The following TSPAN5 variants were observed in gnomAD, a reference collection of about 807,000 sequenced individuals.
The protein encoded by TSPAN5 is tetraspanin-5.
In TSPAN5, 10 loss-of-function variants were observed where a neutral mutation model predicts 37.1. The ratio of observed to expected loss-of-function variants is 0.27; its 90% CI spans 0.17 to 0.46. The LOEUF (loss-of-function observed/expected upper bound fraction) is 0.46, where lower values mean the gene tolerates loss of function less well. Among genes scored for constraint, TSPAN5 ranks in the 20% least tolerant of loss-of-function variants. The pLI is 1.00. For missense variants in TSPAN5, 195 were observed against 326.6 expected, an observed-to-expected ratio of 0.60 and a Z score of 3.11; for synonymous variants, 110 against 118.9, an observed-to-expected ratio of 0.93 and a Z score of 0.48.
At chr4:98,492,554 A>C (rs1385769722) in intron 2 of TSPAN5, among the ~76,000 whole-genome samples, 2 of 152,160 alleles carry the variant, frequency 1.3e-5, no homozygotes, top group Non-Finnish European at 2.9e-5. Flanking sequence ...CATGCACGTA[A>C]ACGCACACAC....
chr4:98,539,587 G>A (rs1214091864), intron 1 of TSPAN5, among the ~76,000 whole-genome samples: 1 of 151,800 alleles, frequency 6.6e-6, no homozygotes, highest in Admixed American at 6.6e-5. Flanking sequence ...TTTTCCTGGT[G>A]ATCTTTTGTA....
rs1333761872 is a variant in TSPAN5, at chr4:98,594,457, C to T, written c.81+63689G>A. ...TCCTTCTCCTGCCTGATTGCCCTGG[C>T]CAGAACTTCCAACACTATGTTGAAT... On this transcript the variant is annotated intron_variant, in intron 1 of 7. Transcript: ENST00000305798. 5.9e-5 allele frequency among the ~76,000 whole-genome samples: 3 copies of T among 50,686 alleles called. 1 individual carries two copies. The highest frequency in any genetic ancestry group is 4.6e-4 in the East Asian group (1 of 2,156). The allele number at this position is 50,686 out of a possible 152,430, so 33.3% of individuals were successfully genotyped here.
At chr4:98,523,483 G>A (rs370277362) in intron 1 of TSPAN5, among the ~76,000 whole-genome samples, 3 of 152,244 alleles carry the variant, frequency 2.0e-5, no homozygotes, top group African/African-American at 7.2e-5. Context: ...TGCCCAGGCT[G>A]GAGTGCAGAG....
At chr4:98,539,677 A>G (rs1425723400) in intron 1 of TSPAN5, among the ~76,000 whole-genome samples, 8 of 152,178 alleles carry the variant, frequency 5.3e-5, no homozygotes, top group Non-Finnish European at 8.8e-5. Context: ...ATTTTAATTT[A>G]CATGCTGTGG....
chr4:98,547,634 A>G (rs1053259041), intron 1 of TSPAN5, among the ~76,000 whole-genome samples: 3 of 152,156 alleles, frequency 2.0e-5, no homozygotes, highest in Non-Finnish European at 4.4e-5. Context: ...AATATTTCCT[A>G]TCAGTGGCTC....
chr4:98,538,189 T>C (rs1332317119), intron 1 of TSPAN5, among the ~76,000 whole-genome samples: 3 of 152,254 alleles, frequency 2.0e-5, no homozygotes, highest in African/African-American at 7.2e-5. Context: ...AGAGGTTAAC[T>C]GTCAGTTATG....
intron 1 of TSPAN5, among the ~76,000 whole-genome samples, chr4:98,518,640 C>T (rs1753788375): frequency 6.6e-6 from 1 of 152,240 alleles, no homozygotes; most frequent in Non-Finnish European, 1.5e-5. Context: ...CATCTCCCTT[C>T]AGGAACCTGC....
intron 1 of TSPAN5, among the ~76,000 whole-genome samples, chr4:98,621,790 C>CA (rs1490800045): frequency 2.0e-5 from 3 of 151,288 alleles, no homozygotes. Flanking sequence ...TCATTCCCAC[C>CA]CCCCCCGCAG....
chr4:98,658,020 T>A (rs1410084352), intron 1 of TSPAN5, 126 bp downstream of exon 1: 3 of 816,486 alleles, frequency 3.7e-6, no homozygotes, highest in Non-Finnish European at 6.5e-6. Context: ...GGAAGGCGAA[T>A]GCCTCTATGC....
intron 1 of TSPAN5, among the ~76,000 whole-genome samples, chr4:98,517,393 T>C (rs1012398503): frequency 6.6e-5 from 10 of 152,024 alleles, no homozygotes; most frequent in African/African-American, 2.2e-4. Flanking sequence ...AAACACCACA[T>C]AGCAGAGCCT....
At chr4:98,477,278 G>A (rs1297465512) in intron 5 of TSPAN5, among the ~76,000 whole-genome samples, 1 of 152,246 alleles carries the variant, frequency 6.6e-6, no homozygotes, top group Non-Finnish European at 1.5e-5. Flanking sequence ...TCCTCAGAAG[G>A]GAGAGGAGGT....
At chr4:98,511,866 C>T (rs560044033) in intron 1 of TSPAN5, among the ~76,000 whole-genome samples, 1 of 152,156 alleles carries the variant, frequency 6.6e-6, no homozygotes, top group Admixed American at 6.5e-5. Flanking sequence ...ATAACAATAT[C>T]CCAGGCACTA....
In TSPAN5 at chr4:98,658,309, A is replaced by C; in HGVS notation, c.-83T>G. 1 of 1,189,726 alleles carries C rather than the reference A, an allele frequency of 8.4e-7. No homozygotes were observed. The highest frequency in any genetic ancestry group is 1.2e-5 in the South Asian group (1 of 82,352). 73.7% of individuals were successfully genotyped at this position (1,189,726 alleles called of 1,614,324 possible). A position where few individuals can be genotyped will look rare whatever the true frequency, so the allele number is the denominator to read the frequency against. On this transcript the variant is annotated 5_prime_UTR_variant, in exon 1 of 8. Transcript: ENST00000305798. ...CGTTGCTCGGAGCAGCCCGGCGGGG[A>C]GCAGGAGCTCAGGGACACCGCACGG...
intron 1 of TSPAN5, among the ~76,000 whole-genome samples, chr4:98,605,860 C>A (rs1756028882): frequency 6.6e-6 from 1 of 152,194 alleles, no homozygotes; most frequent in Non-Finnish European, 1.5e-5. Context: ...GAAATAAACA[C>A]CTCCCTGTAG....
intron 1 of TSPAN5, among the ~76,000 whole-genome samples, chr4:98,617,306 C>T (rs1026438484): frequency 1.3e-5 from 2 of 152,026 alleles, no homozygotes; most frequent in Admixed American, 6.6e-5. Flanking sequence ...TCATTTTATA[C>T]ATAAAGAAAG....
rs543462942 is a variant in TSPAN5 at position 98,646,616 on chromosome 4, G to A, written c.81+11530C>T. On this transcript the variant is annotated intron_variant, in intron 1 of 7. Coordinates refer to ENST00000305798, the MANE Select transcript of TSPAN5 (RefSeq NM_005723.4). The stretch of plus-strand genomic sequence containing the variant: ...AAAATTAACAACAAACAATAGAAGC[G>A]AATTCATGGTCTGGTATCCACGATA... 3.3e-5 allele frequency among the ~76,000 whole-genome samples: 5 copies of A among 152,220 alleles called. No individual in the cohort carries two copies. In the South Asian group the frequency reaches 6.2e-4, roughly 19 times the overall value.
intron 1 of TSPAN5, among the ~76,000 whole-genome samples, chr4:98,562,409 TC>T (rs1754899631): frequency 6.6e-6 from 1 of 152,138 alleles, no homozygotes; most frequent in Non-Finnish European, 1.5e-5. Context: ...ACACCTGTAA[TC>T]CCAGCACTTT....
At chr4:98,583,536 T>C (rs889899951) in intron 1 of TSPAN5, among the ~76,000 whole-genome samples, 2 of 152,196 alleles carry the variant, frequency 1.3e-5, no homozygotes, top group Non-Finnish European at 2.9e-5. Context: ...AGAAATTCCA[T>C]TTTGATGATT....
chr4:98,620,352 T>C (rs1756452954), intron 1 of TSPAN5, among the ~76,000 whole-genome samples: 1 of 152,094 alleles, frequency 6.6e-6, no homozygotes, highest in Admixed American at 6.5e-5. Context: ...CTTGGAGTCA[T>C]CCCAGTCCAG....
Sources: gnomAD v4.1 joint callset for allele counts (sites outside exome capture counted in the v4.1 genomes callset) on GRCh38, gnomAD v4.1.1 for gene constraint, MANE v1.5 for transcripts, NCBI Gene and HGNC (gene_info 2026-07-23, HGNC 2026-07-21) for gene names.